SELENOM: variants seen among roughly 807,000 people sequenced by gnomAD.
SELENOM encodes the protein selenoprotein M.
Under a neutral mutation model 14.5 loss-of-function variants are expected in SELENOM, and 17 were observed. The observed-to-expected ratio is 1.17, with a 90% CI of 0.80 to 1.76. The LOEUF is 1.76. SELENOM is among the 40% of genes most tolerant of loss of function. The pLI is 0.00. For missense variants in SELENOM, 230 were observed against 204.6 expected (o/e 1.12, Z -0.76); for synonymous variants, 102 against 93.3 (o/e 1.09, Z -0.54).
intron 1 of SELENOM, chr22:31,106,630 TC>T: frequency 6.1e-6 from 1 of 163,348 alleles, no homozygotes; most frequent in Non-Finnish European, 1.3e-5. Context: ...TCTCACTATG[TC>T]CCCCAAGCTG....
Position 31,107,551 on chromosome 22 carries a change from AG to A in SELENOM, c.-47del. The A allele has an allele frequency of 6.8e-7, 1 of 1,480,404 alleles. No individual in the cohort carries two copies. The highest frequency in any genetic ancestry group is 9.0e-7 in the Non-Finnish European group (1 of 1,115,428). 91.7% of individuals were successfully genotyped at this position (1,480,404 alleles called of 1,614,324 possible). A position where few individuals can be genotyped will look rare whatever the true frequency, so the allele number is the denominator to read the frequency against. On this transcript the variant is annotated 5_prime_UTR_variant, in exon 1 of 5. Transcript: ENST00000400299. ...TGCGCAAGCTGGAGGCGAACCTCCG[AG>A]TCGCTGCGCCACGTCTGGGCCCCCA... is the stretch of plus-strand genomic sequence containing the variant.
intron 1 of SELENOM, 32 bp downstream of exon 1, chr22:31,107,345 A>G: frequency 6.3e-7 from 1 of 1,579,392 alleles, no homozygotes; most frequent in African/African-American, 1.4e-5. Context: ...TTGGGGAACG[A>G]TAGTGCCGGG....
chr22:31,107,325 G>C, intron 1 of SELENOM, 52 bp downstream of exon 1: 3 of 1,554,680 alleles, frequency 1.9e-6, no homozygotes, highest in African/African-American at 1.4e-5. Flanking sequence ...GCTCCCATGG[G>C]GCCGCAGGGT....
intron 2 of SELENOM, 27 bp from the exon 3 acceptor site, chr22:31,105,719 C>T (rs2044396340): frequency 6.2e-7 from 1 of 1,613,342 alleles, no homozygotes; most frequent in Non-Finnish European, 8.5e-7. Context: ...GCATCAGAGA[C>T]CATGACCTCA....
intron 2 of SELENOM, 27 bp downstream of exon 2, chr22:31,105,903 G>A (rs368307324): frequency 1.9e-6 from 3 of 1,611,854 alleles, no homozygotes; most frequent in Non-Finnish European, 2.5e-6. Context: ...GGGGAACAGA[G>A]CTAGGGACCT....
chr22:31,107,318 C>G, intron 1 of SELENOM, 59 bp downstream of exon 1: 1 of 1,541,668 alleles, frequency 6.5e-7, no homozygotes, highest in Non-Finnish European at 8.7e-7. Context: ...GGACGGTGCT[C>G]CCATGGGGCC....
rs772476044 is a variant in SELENOM, at chr22:31,105,012, G to C, written c.396C>G (p.Pro132=). ...AQVPPEYVWA[P]AKPPEETSDH... ...CCGAAGTTTCCTCTGGGGGCTTCGC[G>C]GGCGCCCACACGTACTCGGGGGGCA... The change falls in exon 5 of 5, where the codon CCC becomes CCG. Residue 132 remains proline (P), a synonymous_variant. Coordinates refer to ENST00000400299, the MANE Select transcript of SELENOM (RefSeq NM_080430.4). 1 of 1,603,998 alleles carries C rather than the reference G, an allele frequency of 6.2e-7. No homozygotes were observed. The highest frequency in any genetic ancestry group is 8.5e-7 in the Non-Finnish European group (1 of 1,177,182).
rs749051765 is a variant in SELENOM at position 31,107,376 on chromosome 22, C to T, written c.129+1G>A. Reference sequence around the variant, plus strand: ...CCGGGGCTGGAGGCCGGCGTACTCACCTCTACCCGGGCGCGGGTTAGGCCG... The same window carrying T: ...CCGGGGCTGGAGGCCGGCGTACTCATCTCTACCCGGGCGCGGGTTAGGCCG... On this transcript the variant is annotated splice_donor_variant, in intron 1 of 4. Coordinates refer to ENST00000400299, the MANE Select transcript of SELENOM (RefSeq NM_080430.4). LOFTEE classifies it high-confidence loss of function. 2.5e-6 allele frequency: 4 copies of T among 1,594,812 alleles called. No individual in the cohort carries two copies. In the South Asian group the frequency reaches 3.4e-5, roughly 14 times the overall value.
In SELENOM at chr22:31,105,050, G is replaced by T. The variant is rs548238752; in HGVS notation, c.358C>A (p.Pro120Thr). 6.2e-6 allele frequency: 10 copies of T among 1,611,986 alleles called. No homozygotes were observed. In the East Asian group the frequency reaches 1.1e-4, roughly 18 times the overall value. ...TACTCGGGGGGCACCTGCGCGTCGG[G>T]CGCCGCCTTGCGGTAGAAGCCGAGC... The part of the protein sequence containing the change: ...QELGFYRKAA[P>T]DAQVPPEYVW... The change falls in exon 5 of 5, where the codon CCC becomes ACC. Residue 120 changes from proline to threonine, a missense_variant. Pro to Thr is a conservative substitution (Grantham distance 38). Coordinates refer to ENST00000400299, the MANE Select transcript of SELENOM (RefSeq NM_080430.4).
rs756540942 is a variant in SELENOM at position 31,105,289 on chromosome 22, G to A, written c.201-3C>T. On this transcript the variant is annotated splice_region_variant and splice_polypyrimidine_tract_variant and intron_variant, in intron 3 of 4. Transcript: ENST00000400299. ...GGTGTTTCATCACCAGGTTGTGACTGGAGGTGGTGTTAAGGAGCGGGGTGG... is the reference window on the plus strand; with the variant it reads ...GGTGTTTCATCACCAGGTTGTGACTAGAGGTGGTGTTAAGGAGCGGGGTGG... 1.3e-5 allele frequency: 21 copies of A among 1,609,978 alleles called. No individual in the cohort carries two copies. Among genetic ancestry groups the A allele is most frequent in the Non-Finnish European group, 1.6e-5 (19 of 1,178,330 alleles).
In SELENOM at chr22:31,107,564, C is replaced by G. The variant is rs2044417958; in HGVS notation, c.-59G>C. ...GGCGAACCTCCGAGTCGCTGCGCCA[C>G]GTCTGGGCCCCCAGGCTGGCCCCGC... On this transcript the variant is annotated 5_prime_UTR_variant, in exon 1 of 5. Coordinates refer to ENST00000400299, the MANE Select transcript of SELENOM (RefSeq NM_080430.4). The G allele has an allele frequency of 7.0e-7, 1 of 1,436,190 alleles. No individual in the cohort carries two copies. The allele number at this position is 1,436,190 out of a possible 1,614,324, so 89.0% of individuals were successfully genotyped here.
chr22:31,105,836 T>C (rs2044397962), intron 2 of SELENOM, 94 bp downstream of exon 2: 3 of 1,491,958 alleles, frequency 2.0e-6, no homozygotes, highest in Non-Finnish European at 2.8e-6. Flanking sequence ...TAGGGATCCT[T>C]CCCCCCTCCC....
intron 1 of SELENOM, 33 bp downstream of exon 1, chr22:31,107,344 G>C (rs1216856644): frequency 2.5e-6 from 4 of 1,578,360 alleles, no homozygotes; most frequent in East Asian, 2.4e-5. Flanking sequence ...GTTGGGGAAC[G>C]ATAGTGCCGG....
chr22:31,106,123 G>A (rs1386603906), intron 1 of SELENOM, 158 bp from the exon 2 acceptor site: 7 of 689,928 alleles, frequency 1.0e-5, no homozygotes, highest in Non-Finnish European at 1.8e-5. Flanking sequence ...ACCCTTGTGG[G>A]CAGAAGGGGG....
In SELENOM at chr22:31,104,911, G is replaced by A; in HGVS notation, c.*59C>T. 1 of 1,474,270 alleles carries A rather than the reference G, an allele frequency of 6.8e-7. No homozygotes were observed. Among genetic ancestry groups the A allele is most frequent in the Admixed American group, 2.5e-5 (1 of 39,246 alleles). The allele number at this position is 1,474,270 out of a possible 1,614,324, so 91.3% of individuals were successfully genotyped here. A position where few individuals can be genotyped will look rare whatever the true frequency, so the allele number is the denominator to read the frequency against. Reference sequence around the variant, plus strand: ...GAGAAGTATTCCCGGGATGCTGAGCGCTTCATTCTGTCTCCAGGACTCAGG... The same window carrying A: ...GAGAAGTATTCCCGGGATGCTGAGCACTTCATTCTGTCTCCAGGACTCAGG... On this transcript the variant is annotated 3_prime_UTR_variant, in exon 5 of 5. Transcript: ENST00000400299.
In SELENOM at chr22:31,107,555, G is replaced by T. The variant is rs2044417857; in HGVS notation, c.-50C>A. On this transcript the variant is annotated 5_prime_UTR_variant, in exon 1 of 5. Transcript: ENST00000400299. ...CAAGCTGGAGGCGAACCTCCGAGTC[G>T]CTGCGCCACGTCTGGGCCCCCAGGC... 2.0e-6 allele frequency: 3 copies of T among 1,469,818 alleles called. No homozygotes were observed. Among genetic ancestry groups the T allele is most frequent in the Non-Finnish European group, 2.7e-6 (3 of 1,109,382 alleles). 91.0% of individuals were successfully genotyped at this position (1,469,818 alleles called of 1,614,324 possible).
At position 31,105,029 on chromosome 22, in the gene SELENOM, C is replaced by T. The variant is rs759594534; in HGVS notation, c.379G>A (p.Glu127Lys). Residue 127 changes from glutamate to lysine, a missense_variant, in exon 5 of 5, where the codon GAG (glutamate) becomes AAG (lysine). Transcript: ENST00000400299. ...KAAPDAQVPP[E>K]YVWAPAKPPE... Reference sequence around the variant, plus strand: ...GGCTTCGCGGGCGCCCACACGTACTCGGGGGGCACCTGCGCGTCGGGCGCC... The same window carrying T: ...GGCTTCGCGGGCGCCCACACGTACTTGGGGGGCACCTGCGCGTCGGGCGCC... 3.1e-6 allele frequency: 5 copies of T among 1,610,626 alleles called. No homozygotes were observed. The highest frequency in any genetic ancestry group is 2.2e-5 in the East Asian group (1 of 44,862).
At position 31,105,280 on chromosome 22, in the gene SELENOM, G is replaced by T. The variant is rs999729957; in HGVS notation, c.207C>A (p.Asn69Lys). ...FVTQDIPFYH[N>K]LVMKHLPGAD... The stretch of plus-strand genomic sequence containing the variant: ...CCCCAGGGAGGTGTTTCATCACCAG[G>T]TTGTGACTGGAGGTGGTGTTAAGGA... Residue 69 changes from asparagine to lysine, a missense_variant, in exon 4 of 5, where the codon AAC becomes AAA. By Grantham distance (94) the Asn-to-Lys change is moderately conservative. Transcript: ENST00000400299. The T allele has an allele frequency of 1.2e-6, 2 of 1,611,298 alleles. No homozygotes were observed.
chr22:31,107,278 C>A (rs972993286), intron 1 of SELENOM, 99 bp downstream of exon 1: 156 of 1,390,396 alleles, frequency 1.1e-4, no homozygotes, highest in Non-Finnish European at 1.3e-4. Flanking sequence ...CAGGGAGACT[C>A]GCGGTTCGAG....
Sources: allele counts gnomAD v4.1 joint callset, GRCh38; gene constraint gnomAD v4.1.1; transcripts MANE v1.5; gene names NCBI Gene and HGNC (gene_info 2026-07-23, HGNC 2026-07-21).